The following IGSF21 variants were observed in gnomAD, a reference collection of about 807,000 sequenced individuals.
IGSF21 encodes immunoglobulin superfamily member 21.
A neutral mutation model predicts 46.8 loss-of-function variants in IGSF21; 28 were observed. That is an observed-to-expected ratio of 0.60 (90% CI 0.44 to 0.82). The LOEUF (loss-of-function observed/expected upper bound fraction) is 0.82, where lower values mean the gene tolerates loss of function less well. Ranked by LOEUF, IGSF21 falls within the 40% of genes least tolerant of loss-of-function variation. IGSF21 has a pLI of 0.00. For synonymous variants in IGSF21, 284 were observed against 273.6 expected (o/e 1.04, Z -0.38); for missense variants, 624 against 665.5 (o/e 0.94, Z 0.69).
chr1:18,182,227 AGTGCAGTGGC>A (rs2086864258), intron 1 of IGSF21, among the ~76,000 whole-genome samples: 1 of 127,274 alleles, frequency 7.9e-6, no homozygotes, highest in Admixed American at 1.0e-4. Flanking sequence ...CACAGGCTGG[AGTGCAGTGGC>A]GTGATCTCGG....
chr1:18,347,634 G>T (rs1457330627), intron 4 of IGSF21, among the ~76,000 whole-genome samples: 1 of 152,202 alleles, frequency 6.6e-6, no homozygotes, highest in Non-Finnish European at 1.5e-5. Context: ...CTCCTTCCGT[G>T]GGGATCTGAG....
At chr1:18,277,558 A>G (rs890937298) in intron 2 of IGSF21, among the ~76,000 whole-genome samples, 4 of 152,242 alleles carry the variant, frequency 2.6e-5, no homozygotes, top group Non-Finnish European at 5.9e-5. Context: ...TTTTTTAAAA[A>G]AAAGAAAACT....
chr1:18,237,515 G>A (rs1047183335), intron 2 of IGSF21, among the ~76,000 whole-genome samples: 28 of 152,168 alleles, frequency 1.8e-4, no homozygotes, highest in African/African-American at 4.8e-4. Context: ...TCTGTCCCCC[G>A]TGGCGCAGGG....
At chr1:18,306,610 A>T (rs2085428355) in intron 3 of IGSF21, among the ~76,000 whole-genome samples, 2 of 151,864 alleles carry the variant, frequency 1.3e-5, no homozygotes, top group Non-Finnish European at 2.9e-5. Context: ...GCCCCTCCCT[A>T]GTCAGGGGCC....
At chr1:18,253,000 C>T (rs758824039) in intron 2 of IGSF21, among the ~76,000 whole-genome samples, 7 of 152,180 alleles carry the variant, frequency 4.6e-5, no homozygotes, top group South Asian at 4.1e-4. Flanking sequence ...TTGGAAGAAA[C>T]GCTGAGCCTC....
chr1:18,342,489 T>C (rs2085853266), intron 4 of IGSF21, among the ~76,000 whole-genome samples: 1 of 152,218 alleles, frequency 6.6e-6, no homozygotes, highest in Admixed American at 6.5e-5. Flanking sequence ...TTTACCATAT[T>C]CACAGAGTTG....
chr1:18,238,542 A>G (rs1314945407), intron 2 of IGSF21, among the ~76,000 whole-genome samples: 2 of 152,194 alleles, frequency 1.3e-5, no homozygotes, highest in Non-Finnish European at 2.9e-5. Context: ...TTGGGGATTA[A>G]GATCAGTTTC....
chr1:18,305,199 G>GATGA, intron 3 of IGSF21, among the ~76,000 whole-genome samples: 1 of 151,458 alleles, frequency 6.6e-6, no homozygotes, highest in Non-Finnish European at 1.5e-5. Context: ...TGGATGGATG[G>GATGA]ATGGATGAAT....
chr1:18,323,518 T>C (rs1456604322), intron 3 of IGSF21, among the ~76,000 whole-genome samples: 2 of 152,068 alleles, frequency 1.3e-5, no homozygotes, highest in Non-Finnish European at 2.9e-5. Flanking sequence ...CCCTTCAAGG[T>C]CAGCAGGAGG....
chr1:18,208,395 A>ATATATATTT (rs369367032), intron 1 of IGSF21, among the ~76,000 whole-genome samples: 3 of 123,766 alleles, frequency 2.4e-5, no homozygotes, highest in African/African-American at 5.7e-5. Context: ...ATATATATAT[A>ATATATATTT]TTTTTTGAGA....
In IGSF21 at chr1:18,353,283, G is replaced by A. The variant is rs181633228; in HGVS notation, c.425-8832G>A. The stretch of plus-strand genomic sequence containing the variant: ...CCACTGGTGGGATCTGTCTCTTCGG[G>A]TCTCTGCTGGGAGAGAGGGGCTTAG... On this transcript the variant is annotated intron_variant, in intron 4 of 9. Coordinates refer to ENST00000251296, the MANE Select transcript of IGSF21 (RefSeq NM_032880.5). Among the ~76,000 whole-genome samples the A allele has an allele frequency of 1.4e-3, 218 of 152,012 alleles. 2 individuals are homozygous for A. The highest frequency in any genetic ancestry group is 3.1e-3 in the Admixed American group (47 of 15,274).
intron 3 of IGSF21, among the ~76,000 whole-genome samples, chr1:18,292,704 C>G (rs1377350694): frequency 6.6e-6 from 1 of 152,176 alleles, no homozygotes; most frequent in Admixed American, 6.5e-5. Context: ...AAGGGCCTTT[C>G]TCCCTTCGGT....
At chr1:18,353,032 T>C (rs2085974167) in intron 4 of IGSF21, among the ~76,000 whole-genome samples, 1 of 152,140 alleles carries the variant, frequency 6.6e-6, no homozygotes, top group African/African-American at 2.4e-5. Flanking sequence ...GGGGCTAGAT[T>C]CAGCTCAGCA....
rs1301557143 is a variant in IGSF21, at chr1:18,108,128, C to CT, written c.-1_1insT. On this transcript the variant is annotated 5_prime_UTR_variant, in exon 1 of 10. Coordinates refer to ENST00000251296, the MANE Select transcript of IGSF21 (RefSeq NM_032880.5). ...GCCACCGCCGCCAGCTCCCGGGCAC[C>CT]ATGCGAACCGCCCCGAGCCTCCGCC... The CT allele has an allele frequency of 7.1e-7, 1 of 1,398,920 alleles. No homozygotes were observed. The highest frequency in any genetic ancestry group is 2.6e-5 in the Admixed American group (1 of 38,266). The allele number at this position is 1,398,920 out of a possible 1,614,324, so 86.7% of individuals were successfully genotyped here. A position where few individuals can be genotyped will look rare whatever the true frequency, so the allele number is the denominator to read the frequency against.
At chr1:18,210,555 T>C (rs1393157714) in intron 1 of IGSF21, among the ~76,000 whole-genome samples, 1 of 152,150 alleles carries the variant, frequency 6.6e-6, no homozygotes, top group African/African-American at 2.4e-5. Context: ...GGAGACTCTC[T>C]CTGCTGTGCT....
chr1:18,132,168 AATGGATGGATGGATGG>A (rs3045379), intron 1 of IGSF21, among the ~76,000 whole-genome samples: 2 of 151,192 alleles, frequency 1.3e-5, no homozygotes, highest in African/African-American at 4.9e-5. Context: ...TATCTGGATG[AATGGATGGATGGATGG>A]ATGGATGGAT....
At chr1:18,197,524 A>G (rs374416419) in intron 1 of IGSF21, among the ~76,000 whole-genome samples, 17 of 152,326 alleles carry the variant, frequency 1.1e-4, no homozygotes, top group African/African-American at 3.8e-4. Context: ...TAATAACTGC[A>G]TTTGTCTGGT....
chr1:18,146,881 G>A (rs2086471471), intron 1 of IGSF21, among the ~76,000 whole-genome samples: 1 of 152,292 alleles, frequency 6.6e-6, no homozygotes, highest in Middle Eastern at 3.4e-3. Context: ...ACATATTCAA[G>A]GTCACACAGC....
At chr1:18,257,310 C>T (rs146405798) in intron 2 of IGSF21, among the ~76,000 whole-genome samples, 1,912 of 152,206 alleles carry the variant, frequency 0.013, 19 homozygotes, top group Non-Finnish European at 0.019. Flanking sequence ...CTACAGCAGG[C>T]AGAATGGAAG....
Sources: allele counts gnomAD v4.1 joint callset (sites outside exome capture counted in the v4.1 genomes callset), GRCh38; gene constraint gnomAD v4.1.1; transcripts MANE v1.5; gene names NCBI Gene and HGNC (gene_info 2026-07-23, HGNC 2026-07-21).